IFT74: variants seen among roughly 807,000 people sequenced by gnomAD.
IFT74 encodes the protein intraflagellar transport protein 74 homolog.
IFT74 carries 92 observed loss-of-function variants against 96.7 expected under a neutral mutation model. The ratio of observed to expected loss-of-function variants is 0.95; its 90% CI spans 0.80 to 1.13. IFT74 has a LOEUF of 1.13. Among genes scored for constraint, IFT74 ranks in the 50% most tolerant of loss-of-function variants. The pLI is 0.00. For synonymous variants in IFT74, 223 were observed against 213.2 expected (o/e 1.05, Z -0.40); for missense variants, 811 against 698.2 (o/e 1.16, Z -1.82).
intron 12 of IFT74, among the ~76,000 whole-genome samples, chr9:27,025,276 C>T (rs1007796173): frequency 4.0e-5 from 6 of 151,542 alleles, no homozygotes; most frequent in African/African-American, 1.5e-4. Flanking sequence ...AACCTTGTCT[C>T]TACTAAAAAT....
intron 1 of IFT74, among the ~76,000 whole-genome samples, chr9:26,959,272 C>G (rs1342897231): frequency 1.3e-5 from 2 of 152,108 alleles, no homozygotes; most frequent in African/African-American, 2.4e-5. Flanking sequence ...CCACACCCGG[C>G]TAATTTTTTG....
At chr9:27,027,633 A>C (rs1008540880) in intron 12 of IFT74, among the ~76,000 whole-genome samples, 5 of 151,990 alleles carry the variant, frequency 3.3e-5, no homozygotes, top group African/African-American at 1.2e-4. Flanking sequence ...TACTTAGTTC[A>C]TTTGCTCATT....
intron 12 of IFT74, among the ~76,000 whole-genome samples, 198 bp downstream of exon 12, chr9:27,018,885 A>G (rs1829473524): frequency 1.3e-5 from 2 of 152,170 alleles, no homozygotes; most frequent in African/African-American, 4.8e-5. Flanking sequence ...TATAATAGAC[A>G]TATTTAATGT....
intron 8 of IFT74, among the ~76,000 whole-genome samples, chr9:26,997,204 C>G (rs1257794147): frequency 6.8e-6 from 1 of 146,372 alleles, no homozygotes; most frequent in Non-Finnish European, 1.5e-5. Context: ...AATAACAAAA[C>G]TCTGTCTCAA....
chr9:26,996,506 A>G, intron 8 of IFT74: 1 of 1,417,762 alleles, frequency 7.1e-7, no homozygotes, highest in Admixed American at 2.4e-5. Context: ...TTTTCTAGTA[A>G]ATCAGAAAGA....
At chr9:26,984,969 G>T (rs924040733) in intron 6 of IFT74, among the ~76,000 whole-genome samples, 4 of 152,230 alleles carry the variant, frequency 2.6e-5, no homozygotes, top group South Asian at 2.1e-4. Flanking sequence ...ATACCCAAAG[G>T]AATATAAATC....
At chr9:26,950,068 T>A (rs572785456) in intron 1 of IFT74, among the ~76,000 whole-genome samples, 5 of 152,254 alleles carry the variant, frequency 3.3e-5, no homozygotes, top group East Asian at 3.9e-4. Flanking sequence ...ATCCCAGCAC[T>A]TTGGGAGGCC....
chr9:27,057,985 T>A (rs1375512259), intron 18 of IFT74, among the ~76,000 whole-genome samples: 1 of 152,248 alleles, frequency 6.6e-6, no homozygotes, highest in East Asian at 1.9e-4. Flanking sequence ...TGCCATATCC[T>A]TGTAGTATTT....
Position 26,961,999 on chromosome 9 carries a change from G to T in IFT74, c.32G>T (p.Arg11Leu), listed in dbSNP as rs369587850. The T allele has an allele frequency of 3.5e-5, 56 of 1,613,936 alleles. No individual in the cohort carries two copies. The highest frequency in any genetic ancestry group is 4.5e-5 in the Non-Finnish European group (53 of 1,179,954). ...AGCAATCACAAATCTTCAGCAGCTC[G>T]CCCTGTTTCAAGAGGTGGAGTTGGG... MASNHKSSAARPVSRGGVGLT... is the reference protein window; with the variant it reads MASNHKSSAALPVSRGGVGLT... Residue 11 changes from arginine to leucine, a missense_variant, in exon 2 of 20, where the codon CGC (arginine) becomes CTC (leucine). Physicochemically the swap from Arg to Leu is moderately radical, Grantham distance 102. Coordinates refer to ENST00000380062, the MANE Select transcript of IFT74 (RefSeq NM_025103.4).
intron 14 of IFT74, among the ~76,000 whole-genome samples, chr9:27,045,085 AG>A: frequency 6.6e-6 from 1 of 152,344 alleles, no homozygotes; most frequent in Middle Eastern, 3.4e-3. Flanking sequence ...CCCAATCCCC[AG>A]GCTGCAGACC....
chr9:26,975,137 A>G (rs185981963), intron 2 of IFT74, among the ~76,000 whole-genome samples: 1 of 152,302 alleles, frequency 6.6e-6, no homozygotes, highest in African/African-American at 2.4e-5. Context: ...CTGAGGCGGC[A>G]GCAGCTGCCT....
chr9:27,021,770 A>T (rs187205588), intron 12 of IFT74, among the ~76,000 whole-genome samples: 2 of 151,574 alleles, frequency 1.3e-5, no homozygotes, highest in Admixed American at 1.3e-4. Context: ...GTTTTCTCCA[A>T]CTCTGTGGGT....
chr9:27,053,152 G>A (rs867603211), intron 16 of IFT74, among the ~76,000 whole-genome samples: 2,014 of 118,254 alleles, frequency 0.017, 31 homozygotes, highest in Non-Finnish European at 0.024. Flanking sequence ...CGTGAGCACC[G>A]CGCCTGGCCT....
At chr9:26,985,360 G>C (rs1827587644) in intron 6 of IFT74, among the ~76,000 whole-genome samples, 1 of 151,994 alleles carries the variant, frequency 6.6e-6, no homozygotes, top group South Asian at 2.1e-4. Context: ...TAGTTACCTA[G>C]GTGATTAAAT....
intron 9 of IFT74, among the ~76,000 whole-genome samples, chr9:27,010,428 ACT>A (rs1207336511): frequency 1.3e-5 from 2 of 150,002 alleles, no homozygotes; most frequent in Non-Finnish European, 3.0e-5. Flanking sequence ...CATGCCCCCA[ACT>A]GGGCACCACC....
intron 13 of IFT74, among the ~76,000 whole-genome samples, chr9:27,033,225 G>C (rs747692661): frequency 2.0e-5 from 3 of 152,068 alleles, no homozygotes; most frequent in Non-Finnish European, 4.4e-5. Flanking sequence ...AAATGGTATA[G>C]CATAGTGGTC....
rs951706952 is a variant in IFT74, at chr9:26,979,703, C to CTTTTTTT, written c.257-847_257-841dup. ...GAGACATTTAACCTAGGAACACTTT[C>CTTTTTTT]TTTTTTTTTTTTTTTTTTTTTTTTT... On this transcript the variant is annotated intron_variant, in intron 3 of 19. Transcript: ENST00000380062. Among the ~76,000 whole-genome samples the CTTTTTTT allele has an allele frequency of 3.7e-4, 28 of 75,490 alleles. 1 individual carries two copies. The highest frequency in any genetic ancestry group is 2.1e-3 in the East Asian group (4 of 1,938). 49.5% of individuals were successfully genotyped at this position (75,490 alleles called of 152,430 possible).
At chr9:26,997,263 G>T (rs924123280) in intron 8 of IFT74, among the ~76,000 whole-genome samples, 1 of 150,788 alleles carries the variant, frequency 6.6e-6, no homozygotes, top group Non-Finnish European at 1.5e-5. Flanking sequence ...GGGAAGGAGA[G>T]CATCTATGCA....
intron 8 of IFT74, chr9:26,998,053 A>G (rs1028183081): frequency 2.0e-5 from 33 of 1,613,466 alleles, no homozygotes; most frequent in Non-Finnish European, 2.6e-5. Context: ...CAAAACCGTT[A>G]TTATGTAAGA....
Sources: allele counts gnomAD v4.1 joint callset (sites outside exome capture counted in the v4.1 genomes callset), GRCh38; gene constraint gnomAD v4.1.1; transcripts MANE v1.5; gene names NCBI Gene and HGNC (gene_info 2026-07-23, HGNC 2026-07-21).